Variants in TRPM3 observed in about 807,000 individuals in gnomAD.
TRPM3 encodes the protein long transient receptor potential channel 3.
A neutral mutation model predicts 181.2 loss-of-function variants in TRPM3; 77 were observed. That is an observed-to-expected ratio of 0.42 (90% confidence interval 0.35 to 0.51). TRPM3 has a LOEUF of 0.51. TRPM3 is among the 20% of genes least tolerant of loss of function. TRPM3 has a pLI of 0.01. For missense variants in TRPM3, 1,759 were observed against 2,196.7 expected, an observed-to-expected ratio of 0.80 and a Z score of 3.98; for synonymous variants, 745 against 796.4, an observed-to-expected ratio of 0.94 and a Z score of 1.09.
At chr9:71,066,670 C>T (rs1565117444) in intron 1 of TRPM3, among the ~76,000 whole-genome samples, 1 of 152,146 alleles carries the variant, frequency 6.6e-6, no homozygotes, top group African/African-American at 2.4e-5. Context: ...AAGATGTACA[C>T]TGTTAATTAC....
At chr9:71,359,502 C>T (rs780116427) in intron 1 of TRPM3, among the ~76,000 whole-genome samples, 2 of 152,200 alleles carry the variant, frequency 1.3e-5, no homozygotes, top group Non-Finnish European at 2.9e-5. Context: ...AAGACCTCTG[C>T]TATTAACCCA....
chr9:70,795,296 T>C (rs866896892), intron 6 of TRPM3, among the ~76,000 whole-genome samples: 2 of 152,356 alleles, frequency 1.3e-5, no homozygotes, highest in South Asian at 2.1e-4. Context: ...AATTATTATT[T>C]ATAAAGCACT....
At chr9:70,739,598 A>T (rs867510351) in intron 8 of TRPM3, among the ~76,000 whole-genome samples, 23 of 147,908 alleles carry the variant, frequency 1.6e-4, no homozygotes, top group Admixed American at 3.4e-4. Context: ...TTTATTATTT[A>T]TTTTTTTTTT....
chr9:71,249,895 A>G (rs2082244069), intron 1 of TRPM3, among the ~76,000 whole-genome samples: 1 of 152,206 alleles, frequency 6.6e-6, no homozygotes, highest in African/African-American at 2.4e-5. Flanking sequence ...AAGTGGCTGA[A>G]GAAAGAATTC....
At chr9:70,890,995 G>A (rs10868924) in intron 1 of TRPM3, among the ~76,000 whole-genome samples, 31,797 of 151,706 alleles carry the variant, frequency 0.21, 4,112 homozygotes, top group Admixed American at 0.31. Context: ...CACAGGAAGG[G>A]GAACATCACA....
At chr9:71,031,228 CCAAA>C (rs910179631) in intron 1 of TRPM3, among the ~76,000 whole-genome samples, 2 of 152,152 alleles carry the variant, frequency 1.3e-5, no homozygotes, top group African/African-American at 4.8e-5. Flanking sequence ...ACATTGAATG[CCAAA>C]CAAATTATTA....
intron 8 of TRPM3, among the ~76,000 whole-genome samples, chr9:70,684,824 G>T (rs546750592): frequency 1.3e-5 from 2 of 152,264 alleles, no homozygotes; most frequent in Middle Eastern, 3.4e-3. Flanking sequence ...AATGATGTTT[G>T]TGAGTGAGGT....
At chr9:70,882,782 T>C (rs1372310204) in intron 1 of TRPM3, among the ~76,000 whole-genome samples, 2 of 152,194 alleles carry the variant, frequency 1.3e-5, no homozygotes, top group Admixed American at 1.3e-4. Flanking sequence ...GAGGTCTACC[T>C]TGAATTGTTG....
chr9:70,658,420 T>C (rs1163980312), intron 9 of TRPM3, among the ~76,000 whole-genome samples: 3 of 152,320 alleles, frequency 2.0e-5, no homozygotes, highest in African/African-American at 4.8e-5. Flanking sequence ...ATTTGGCTTA[T>C]TTGGTATAAA....
intron 1 of TRPM3, among the ~76,000 whole-genome samples, chr9:71,034,521 T>C (rs1817866051): frequency 6.6e-6 from 1 of 152,082 alleles, no homozygotes; most frequent in South Asian, 2.1e-4. Context: ...AGGCATCCCA[T>C]ACCTCTAATA....
intron 8 of TRPM3, among the ~76,000 whole-genome samples, chr9:70,695,676 C>T (rs1261066083): frequency 6.6e-6 from 1 of 152,222 alleles, no homozygotes; most frequent in Non-Finnish European, 1.5e-5. Flanking sequence ...ACATTGGTGA[C>T]AACATTACTA....
chr9:70,582,590 G>A (rs1364456753), intron 22 of TRPM3, among the ~76,000 whole-genome samples: 1 of 152,100 alleles, frequency 6.6e-6, no homozygotes, highest in Non-Finnish European at 1.5e-5. Flanking sequence ...GTGGCCACTA[G>A]CAACATGCAG....
At chr9:70,678,752 C>A (rs1304082739) in intron 9 of TRPM3, among the ~76,000 whole-genome samples, 2 of 152,166 alleles carry the variant, frequency 1.3e-5, no homozygotes, top group South Asian at 2.1e-4. Context: ...CTAAATGTAA[C>A]AATTTGGTGT....
chr9:70,602,602 A>G (rs2060261654), intron 20 of TRPM3, among the ~76,000 whole-genome samples: 6 of 152,188 alleles, frequency 3.9e-5, no homozygotes, highest in Admixed American at 3.9e-4. Context: ...CCCTGATGAA[A>G]TAGGAGCTTG....
chr9:70,545,548 C>T (rs77354993), intron 25 of TRPM3, among the ~76,000 whole-genome samples: 88 of 113,302 alleles, frequency 7.8e-4, no homozygotes, highest in Admixed American at 1.3e-3. Context: ...AATTTTCTTT[C>T]TTTTTTTTTT....
intron 1 of TRPM3, among the ~76,000 whole-genome samples, chr9:71,149,402 C>G (rs538489412): frequency 3.2e-4 from 49 of 151,806 alleles, no homozygotes; most frequent in South Asian, 1.9e-3. Flanking sequence ...GACCCTGTCT[C>G]AAAAAACACA....
At chr9:71,346,160 T>C (rs1019082623) in intron 1 of TRPM3, among the ~76,000 whole-genome samples, 1 of 152,198 alleles carries the variant, frequency 6.6e-6, no homozygotes, top group Non-Finnish European at 1.5e-5. Flanking sequence ...AAAAATTATA[T>C]GACATATTCA....
At chr9:70,763,173 C>T (rs2078461310) in intron 7 of TRPM3, among the ~76,000 whole-genome samples, 1 of 151,882 alleles carries the variant, frequency 6.6e-6, no homozygotes, top group African/African-American at 2.4e-5. Context: ...GACTGGGTCA[C>T]CCCTTCCCCC....
At chr9:70,997,026 T>G (rs2097546883) in intron 1 of TRPM3, among the ~76,000 whole-genome samples, 1 of 152,180 alleles carries the variant, frequency 6.6e-6, no homozygotes, top group African/African-American at 2.4e-5. Flanking sequence ...GTCAGTATAT[T>G]CTCTTTAATA....
Sources: allele counts gnomAD v4.1 joint callset (sites outside exome capture counted in the v4.1 genomes callset), GRCh38; gene constraint gnomAD v4.1.1; transcripts MANE v1.5; gene names NCBI Gene and HGNC (gene_info 2026-07-23, HGNC 2026-07-21).